Variants in SLIT2 observed in about 807,000 individuals in gnomAD.
The protein encoded by SLIT2 is slit homolog 2 protein.
In SLIT2, 41 loss-of-function variants were observed where a neutral mutation model predicts 185.7. The ratio of observed to expected loss-of-function variants is 0.22; its 90% CI spans 0.17 to 0.29. SLIT2 has a LOEUF of 0.29. Ranked by LOEUF, SLIT2 falls within the 10% of genes least tolerant of loss-of-function variation. The pLI is 1.00. For synonymous variants in SLIT2, 693 were observed against 680.2 expected (o/e 1.02, Z -0.29); for missense variants, 1,571 against 1,909.0 (o/e 0.82, Z 3.30).
At chr4:20,574,786 C>CAAAA (rs57022828) in intron 29 of SLIT2, among the ~76,000 whole-genome samples, 35 of 86,132 alleles carry the variant, frequency 4.1e-4, no homozygotes, top group African/African-American at 1.3e-3. Context: ...GACTCGCTTT[C>CAAAA]AAAAAAAAAA....
intron 6 of SLIT2, among the ~76,000 whole-genome samples, chr4:20,483,382 T>A (rs1716902829): frequency 6.6e-6 from 1 of 152,054 alleles, no homozygotes; most frequent in Middle Eastern, 3.2e-3. Context: ...TGGTTTATTG[T>A]CAGATTCTGA....
chr4:20,359,679 T>C (rs1341647265), intron 4 of SLIT2, among the ~76,000 whole-genome samples: 1 of 152,088 alleles, frequency 6.6e-6, no homozygotes, highest in Non-Finnish European at 1.5e-5. Context: ...CATTTTGTTA[T>C]ACTTTAAAAA....
intron 18 of SLIT2, 140 bp downstream of exon 18, chr4:20,533,855 T>TACGCACCGCTACACACAC: frequency 1.6e-6 from 1 of 616,150 alleles, no homozygotes; most frequent in South Asian, 2.2e-5. Flanking sequence ...TACACACACA[T>TACGCACCGCTACACACAC]ACACACCGCT....
chr4:20,274,575 TG>T, intron 4 of SLIT2, among the ~76,000 whole-genome samples: 1 of 152,296 alleles, frequency 6.6e-6, no homozygotes, highest in African/African-American at 2.4e-5. Flanking sequence ...CTAGTGTTGA[TG>T]GTTTTTACTT....
At chr4:20,273,602 C>T (rs1713861374) in intron 4 of SLIT2, among the ~76,000 whole-genome samples, 1 of 152,012 alleles carries the variant, frequency 6.6e-6, no homozygotes, top group African/African-American at 2.4e-5. Context: ...TTTGATTCCC[C>T]TAGGTTTCTC....
At chr4:20,559,309 T>G (rs186295450) in intron 26 of SLIT2, among the ~76,000 whole-genome samples, 16 of 152,080 alleles carry the variant, frequency 1.1e-4, no homozygotes, top group Non-Finnish European at 2.1e-4. Context: ...GTAAGCCAGT[T>G]GGCAAGCAGA....
intron 25 of SLIT2, chr4:20,552,556 T>C (rs1445172141): frequency 1.3e-5 from 2 of 152,216 alleles, no homozygotes; most frequent in East Asian, 1.9e-4. Flanking sequence ...TAAATGTTGA[T>C]AGAGATGAGA....
chr4:20,256,165 G>A (rs938608263), intron 1 of SLIT2, among the ~76,000 whole-genome samples: 1 of 152,192 alleles, frequency 6.6e-6, no homozygotes, highest in South Asian at 2.1e-4. Context: ...TCTTTGAAGT[G>A]CAGTTGTTTT....
At chr4:20,283,057 CCA>C in intron 4 of SLIT2, among the ~76,000 whole-genome samples, 1 of 152,100 alleles carries the variant, frequency 6.6e-6, no homozygotes, top group Non-Finnish European at 1.5e-5. Context: ...TAACTTAGCA[CCA>C]CTATTTGCTT....
At chr4:20,440,145 C>G (rs1729640946) in intron 4 of SLIT2, among the ~76,000 whole-genome samples, 1 of 151,994 alleles carries the variant, frequency 6.6e-6, no homozygotes, top group Admixed American at 6.6e-5. Context: ...TAAATTTGAT[C>G]ATATGCTTGT....
intron 4 of SLIT2, among the ~76,000 whole-genome samples, chr4:20,380,116 A>G (rs980981067): frequency 6.6e-6 from 1 of 152,096 alleles, no homozygotes. Flanking sequence ...GAAGAGAATG[A>G]CTTTGTTCTT....
intron 33 of SLIT2, among the ~76,000 whole-genome samples, chr4:20,606,717 A>G (rs1728821164): frequency 6.6e-6 from 1 of 152,324 alleles, no homozygotes; most frequent in Non-Finnish European, 1.5e-5. Context: ...ATCCAAACTC[A>G]GTTTTTAAAT....
chr4:20,428,385 A>G (rs565889846), intron 4 of SLIT2, among the ~76,000 whole-genome samples: 1 of 152,282 alleles, frequency 6.6e-6, no homozygotes, highest in South Asian at 2.1e-4. Flanking sequence ...ACCTAGGGGA[A>G]AATACTATCT....
rs576126107 is a variant in SLIT2 at position 20,593,266 on chromosome 4, C to T, written c.3183-2431C>T. ...GGATGCGTTTAATCTTTAAATAAAC[C>T]TGTGAGGTGGAATTATATACGTGTT... On this transcript the variant is annotated intron_variant, in intron 30 of 36. Transcript: ENST00000504154. 1.6e-3 allele frequency among the ~76,000 whole-genome samples: 243 copies of T among 152,050 alleles called. 2 individuals carry two copies. The highest frequency in any genetic ancestry group is 5.5e-3 in the African/African-American group (228 of 41,508).
intron 4 of SLIT2, among the ~76,000 whole-genome samples, chr4:20,388,769 G>A (rs1352382659): frequency 9.1e-5 from 11 of 121,016 alleles, no homozygotes; most frequent in African/African-American, 1.4e-4. Flanking sequence ...GCGAGACTCC[G>A]TCTCAGGGGA....
chr4:20,361,858 A>G (rs557400740), intron 4 of SLIT2, among the ~76,000 whole-genome samples: 45 of 152,102 alleles, frequency 3.0e-4, no homozygotes, highest in Admixed American at 2.5e-3. Flanking sequence ...AAAAGCATTC[A>G]CATTTTTTGG....
chr4:20,584,196 G>A (rs984359310), intron 29 of SLIT2, among the ~76,000 whole-genome samples: 1 of 152,134 alleles, frequency 6.6e-6, no homozygotes, highest in Admixed American at 6.5e-5. Context: ...TACTGATGAA[G>A]AACTGAGGCT....
At chr4:20,575,215 T>C (rs1475905691) in intron 29 of SLIT2, among the ~76,000 whole-genome samples, 1 of 152,226 alleles carries the variant, frequency 6.6e-6, no homozygotes, top group Non-Finnish European at 1.5e-5. Flanking sequence ...ATGTGTTGAC[T>C]AAATTTCATG....
chr4:20,381,568 C>T (rs1724516300), intron 4 of SLIT2, among the ~76,000 whole-genome samples: 1 of 152,058 alleles, frequency 6.6e-6, no homozygotes, highest in South Asian at 2.1e-4. Context: ...CTTACTTTTC[C>T]TGATACCTTT....
Sources: allele counts gnomAD v4.1 joint callset (sites outside exome capture counted in the v4.1 genomes callset), GRCh38; gene constraint gnomAD v4.1.1; transcripts MANE v1.5; gene names NCBI Gene and HGNC (gene_info 2026-07-23, HGNC 2026-07-21).